The following VWA8 variants were observed in gnomAD, a reference collection of about 807,000 sequenced individuals.
VWA8 encodes the protein von Willebrand factor A domain-containing protein 8.
A neutral mutation model predicts 241.5 loss-of-function variants in VWA8; 221 were observed. That is an observed-to-expected ratio of 0.91 (90% confidence interval 0.82 to 1.02). The LOEUF is 1.02. Ranked by LOEUF, VWA8 falls within the 50% of genes least tolerant of loss-of-function variation. The pLI is 0.00. For missense variants in VWA8, 2,322 were observed against 2,328.7 expected (o/e 1.00, Z 0.06); for synonymous variants, 852 against 827.1 (o/e 1.03, Z -0.52).
At chr13:41,900,162 A>G (rs769235919) in intron 4 of VWA8, among the ~76,000 whole-genome samples, 3 of 152,262 alleles carry the variant, frequency 2.0e-5, no homozygotes, top group Admixed American at 2.0e-4. Context: ...TTATGAAAAC[A>G]GAATAGAACA....
At chr13:41,953,531 C>G (rs930927305) in intron 1 of VWA8, among the ~76,000 whole-genome samples, 3 of 152,186 alleles carry the variant, frequency 2.0e-5, no homozygotes, top group Admixed American at 1.3e-4. Flanking sequence ...TGAGACCAGG[C>G]ACAATGGCTG....
At chr13:41,866,700 CT>C (rs1193481984) in intron 10 of VWA8, among the ~76,000 whole-genome samples, 1 of 152,078 alleles carries the variant, frequency 6.6e-6, no homozygotes, top group African/African-American at 2.4e-5. Context: ...GATATTACTA[CT>C]GGAGAATAAA....
chr13:41,729,566 C>T lies in VWA8; in HGVS notation c.2614G>A (p.Ala872Thr), dbSNP rs780551578. Residue 872 changes from alanine (A) to threonine (T), a missense_variant, in exon 23 of 45, where the codon GCA (alanine) becomes ACA (threonine). Physicochemically the swap from Ala to Thr is moderately conservative, Grantham distance 58 (BLOSUM62 0). Coordinates refer to ENST00000379310, the MANE Select transcript of VWA8 (RefSeq NM_015058.2). ...TLVENGEMIL[A>T]DGRRIVANSA... is the part of the protein sequence containing the mutation. The stretch of plus-strand genomic sequence containing the variant: ...CTTGCAACAATGCGTCTTCCATCTG[C>T]TAGAATCATTTCTCCATTTTCTACT... The T allele has an allele frequency of 1.2e-6, 2 of 1,612,154 alleles. No individual in the cohort carries two copies. The highest frequency in any genetic ancestry group is 1.7e-6 in the Non-Finnish European group (2 of 1,179,204).
At chr13:41,920,231 CA>C (rs1447129424) in intron 2 of VWA8, among the ~76,000 whole-genome samples, 2 of 152,102 alleles carry the variant, frequency 1.3e-5, no homozygotes, top group East Asian at 3.9e-4. Flanking sequence ...TTCTAGGTCC[CA>C]AATTGCAGCT....
At position 41,818,796 on chromosome 13, in the gene VWA8, G is replaced by A. The variant is rs1260748825; in HGVS notation, c.1869+422C>T. Among the ~76,000 whole-genome samples, 3 of 151,968 alleles carry A rather than the reference G, an allele frequency of 2.0e-5. 1 individual carries two copies. Among genetic ancestry groups the A allele is most frequent in the Middle Eastern group, 6.3e-3 (2 of 316 alleles). ...ACGTGTCTGGCCTCCTTTTATAGTAGGAACTTAAAATAGTCACTTTTCACT... is the reference window on the plus strand; with the variant it reads ...ACGTGTCTGGCCTCCTTTTATAGTAAGAACTTAAAATAGTCACTTTTCACT... On this transcript the variant is annotated intron_variant, in intron 15 of 44. Transcript: ENST00000379310.
intron 40 of VWA8, among the ~76,000 whole-genome samples, chr13:41,591,260 C>T (rs1328358809): frequency 6.6e-6 from 1 of 152,108 alleles, no homozygotes; most frequent in Non-Finnish European, 1.5e-5. Context: ...ATTTTGTACC[C>T]CACAAGTCTT....
chr13:41,882,605 C>T (rs569370630), intron 9 of VWA8, among the ~76,000 whole-genome samples: 52 of 152,332 alleles, frequency 3.4e-4, no homozygotes, highest in Non-Finnish European at 2.2e-4. Flanking sequence ...AGCTGGAGAC[C>T]AGCCCGGCCA....
intron 21 of VWA8, among the ~76,000 whole-genome samples, chr13:41,755,943 C>T (rs773326533): frequency 4.0e-5 from 6 of 151,224 alleles, no homozygotes; most frequent in Middle Eastern, 6.8e-3. Flanking sequence ...TGAAATCGAA[C>T]GAAAACAAAA....
intron 35 of VWA8, among the ~76,000 whole-genome samples, chr13:41,683,444 AGTGCAG>A (rs2045114376): frequency 6.6e-6 from 1 of 152,180 alleles, no homozygotes; most frequent in African/African-American, 2.4e-5. Context: ...GTTGTAGGTA[AGTGCAG>A]GCACTGACAC....
At chr13:41,632,220 T>C (rs1262234783) in intron 37 of VWA8, among the ~76,000 whole-genome samples, 4 of 152,228 alleles carry the variant, frequency 2.6e-5, no homozygotes, top group African/African-American at 9.6e-5. Flanking sequence ...TGATCTCTCA[T>C]GGCATTTCTT....
intron 12 of VWA8, among the ~76,000 whole-genome samples, chr13:41,838,280 A>C (rs539350425): frequency 6.6e-6 from 1 of 152,286 alleles, no homozygotes; most frequent in Admixed American, 6.5e-5. Flanking sequence ...GGTTGTGTGT[A>C]CAGTATCTAG....
chr13:41,698,057 C>G (rs976060744), intron 29 of VWA8, among the ~76,000 whole-genome samples: 11 of 152,230 alleles, frequency 7.2e-5, no homozygotes, highest in Admixed American at 2.6e-4. Context: ...ATCCCCCTTT[C>G]AATTAGACAA....
At chr13:41,940,822 T>TA (rs988420101) in intron 2 of VWA8, among the ~76,000 whole-genome samples, 31 of 152,156 alleles carry the variant, frequency 2.0e-4, no homozygotes, top group African/African-American at 6.8e-4. Context: ...GGATAAAATA[T>TA]ATGGTACCAT....
At chr13:41,743,213 A>T (rs2045581060) in intron 21 of VWA8, among the ~76,000 whole-genome samples, 1 of 152,202 alleles carries the variant, frequency 6.6e-6, no homozygotes, top group African/African-American at 2.4e-5. Context: ...CAAGTAATCA[A>T]CTTTATTAGT....
At chr13:41,750,660 A>G (rs373126059) in intron 21 of VWA8, among the ~76,000 whole-genome samples, 9 of 152,116 alleles carry the variant, frequency 5.9e-5, no homozygotes, top group African/African-American at 2.2e-4. Context: ...AGAGAACTAG[A>G]ATTAGAAACC....
intron 12 of VWA8, among the ~76,000 whole-genome samples, chr13:41,844,760 A>C (rs1409790359): frequency 6.6e-6 from 1 of 151,998 alleles, no homozygotes; most frequent in East Asian, 1.9e-4. Context: ...TTCAAGCTGA[A>C]TGTGTCAGGA....
chr13:41,751,337 A>T (rs2045654945), intron 21 of VWA8, among the ~76,000 whole-genome samples: 1 of 152,162 alleles, frequency 6.6e-6, no homozygotes, highest in Non-Finnish European at 1.5e-5. Context: ...TTTCCAAAAC[A>T]GCCTTTTCAA....
At position 41,828,689 on chromosome 13, in the gene VWA8, T is replaced by C. The variant is rs1341868389; in HGVS notation, c.1700+1840A>G. Among the ~76,000 whole-genome samples, 3 of 152,168 alleles carry C rather than the reference T, an allele frequency of 2.0e-5. No individual in the cohort carries two copies. The East Asian group carries it at 5.8e-4, about 29-fold the overall frequency. ...ATACATGTCTTTTTTTCTGAAATAT[T>C]TGGAAGTTGTAGACTTTTTTTTACT... On this transcript the variant is annotated intron_variant, in intron 14 of 44. Coordinates refer to ENST00000379310, the MANE Select transcript of VWA8 (RefSeq NM_015058.2).
chr13:41,761,989 T>C (rs1438454871), intron 20 of VWA8, among the ~76,000 whole-genome samples: 2 of 152,138 alleles, frequency 1.3e-5, no homozygotes, highest in South Asian at 4.1e-4. Context: ...TCATACATGC[T>C]AGCAAAAATA....
Sources: allele counts gnomAD v4.1 joint callset (sites outside exome capture counted in the v4.1 genomes callset), GRCh38; gene constraint gnomAD v4.1.1; transcripts MANE v1.5; gene names NCBI Gene and HGNC (gene_info 2026-07-23, HGNC 2026-07-21).